Variants in MGAT5 observed in about 807,000 individuals in gnomAD.
MGAT5 encodes the protein alpha-1,6-mannosylglycoprotein 6-beta-N-acetylglucosaminyltransferase A.
A neutral mutation model predicts 94.3 loss-of-function variants in MGAT5; 30 were observed. That is an observed-to-expected ratio of 0.32 (90% CI 0.24 to 0.43). The LOEUF (loss-of-function observed/expected upper bound fraction) is 0.43. MGAT5 is among the 20% of genes least tolerant of loss of function. The pLI is 1.00. For missense variants in MGAT5, 691 were observed against 905.5 expected, an observed-to-expected ratio of 0.76 and a Z score of 3.04; for synonymous variants, 310 against 322.9, an observed-to-expected ratio of 0.96 and a Z score of 0.43.
chr2:134,133,775 G>T (rs1014634691), intron 1 of MGAT5, among the ~76,000 whole-genome samples: 1 of 152,184 alleles, frequency 6.6e-6, no homozygotes, highest in East Asian at 1.9e-4. Context: ...AAAGGGGCAG[G>T]CTTGGCGGTT....
At chr2:134,273,020 TGCGC>T (rs756429675) in intron 2 of MGAT5, among the ~76,000 whole-genome samples, 47 of 149,718 alleles carry the variant, frequency 3.1e-4, no homozygotes, top group African/African-American at 1.1e-3. Context: ...TGTGTGTGTG[TGCGC>T]GCGCGCGTGC....
chr2:134,380,270 T>TA (rs1260427649), intron 10 of MGAT5, among the ~76,000 whole-genome samples: 2 of 152,186 alleles, frequency 1.3e-5, no homozygotes, highest in African/African-American at 4.8e-5. Flanking sequence ...AAGCTAGAAA[T>TA]ACGCACGTGG....
intron 10 of MGAT5, among the ~76,000 whole-genome samples, chr2:134,385,210 C>A (rs1467684702): frequency 6.6e-6 from 1 of 152,176 alleles, no homozygotes; most frequent in Non-Finnish European, 1.5e-5. Context: ...ACTTATCCTT[C>A]GTCTATGAGA....
chr2:134,281,298 C>T (rs538949766), intron 2 of MGAT5, among the ~76,000 whole-genome samples: 4 of 152,284 alleles, frequency 2.6e-5, no homozygotes, highest in African/African-American at 9.6e-5. Flanking sequence ...GTGGCAAACA[C>T]TGATGTATCT....
At chr2:134,370,625 G>A (rs1680727008) in intron 10 of MGAT5, among the ~76,000 whole-genome samples, 1 of 152,248 alleles carries the variant, frequency 6.6e-6, no homozygotes, top group African/African-American at 2.4e-5. Context: ...GAGATGGTGA[G>A]CCCCCAGGGG....
chr2:134,355,470 A>G (rs946474881), intron 9 of MGAT5, among the ~76,000 whole-genome samples: 2 of 152,208 alleles, frequency 1.3e-5, no homozygotes, highest in African/African-American at 4.8e-5. Flanking sequence ...TTGAGACTTA[A>G]CTGATGCTTT....
intron 1 of MGAT5, among the ~76,000 whole-genome samples, chr2:134,192,760 C>T (rs536897897): frequency 2.6e-5 from 4 of 151,796 alleles, no homozygotes. Flanking sequence ...GTAAAACATG[C>T]AATTACTACT....
intron 2 of MGAT5, among the ~76,000 whole-genome samples, chr2:134,280,650 T>C (rs1401762125): frequency 6.6e-6 from 1 of 152,220 alleles, no homozygotes; most frequent in Non-Finnish European, 1.5e-5. Context: ...TGTGCTAATG[T>C]TTTCCCCCTT....
chr2:134,217,139 A>G (rs1680534787), intron 1 of MGAT5, among the ~76,000 whole-genome samples: 1 of 151,674 alleles, frequency 6.6e-6, no homozygotes, highest in South Asian at 2.1e-4. Flanking sequence ...GTTAAATGAA[A>G]TGTGGTTTTT....
At chr2:134,249,257 T>C (rs1232710467), upstream of MGAT5, among the ~76,000 whole-genome samples, 1 of 151,352 alleles carries the variant, frequency 6.6e-6, no homozygotes, top group African/African-American at 2.4e-5. Context: ...TGAGATATGA[T>C]ACACATATCA....
At chr2:134,330,581 G>GTGTGTA (rs56795876) in intron 4 of MGAT5, among the ~76,000 whole-genome samples, 8 of 137,078 alleles carry the variant, frequency 5.8e-5, no homozygotes, top group Non-Finnish European at 8.3e-5. Flanking sequence ...GTGTGTGTGT[G>GTGTGTA]TGTTACGAAG....
chr2:134,242,793 C>G (rs1426453535), intron 1 of MGAT5, among the ~76,000 whole-genome samples: 1 of 152,164 alleles, frequency 6.6e-6, no homozygotes, highest in Non-Finnish European at 1.5e-5. Flanking sequence ...CAAATCATTT[C>G]TCATCTTTGG....
chr2:134,205,113 T>C (rs758744721), intron 1 of MGAT5, among the ~76,000 whole-genome samples: 1 of 152,086 alleles, frequency 6.6e-6, no homozygotes, highest in African/African-American at 2.4e-5. Flanking sequence ...GCATGGCATG[T>C]GAGTAAGAAA....
intron 10 of MGAT5, among the ~76,000 whole-genome samples, chr2:134,387,793 T>C (rs1682125689): frequency 1.3e-5 from 2 of 152,096 alleles, no homozygotes; most frequent in Admixed American, 6.5e-5. Context: ...AGCTGCCCAT[T>C]TATAGCCACA....
intron 14 of MGAT5, 57 bp from the exon 15 acceptor site, chr2:134,441,701 T>G: frequency 1.3e-6 from 2 of 1,566,020 alleles, no homozygotes; most frequent in Non-Finnish European, 1.7e-6. Context: ...TTGGCAGGGC[T>G]GGGGATCCCC....
chr2:134,216,599 T>TA (rs1476596182), intron 1 of MGAT5, among the ~76,000 whole-genome samples: 6 of 152,220 alleles, frequency 3.9e-5, no homozygotes, highest in Non-Finnish European at 8.8e-5. Context: ...GGAAGCATAC[T>TA]AAAGAAACCC....
At chr2:134,138,053 G>A (rs188021421) in intron 1 of MGAT5, among the ~76,000 whole-genome samples, 8 of 151,182 alleles carry the variant, frequency 5.3e-5, no homozygotes, top group Admixed American at 3.3e-4. Flanking sequence ...GGGCAGTGGC[G>A]CTGGTCACTG....
chr2:134,190,099 G>T (rs895405878), intron 1 of MGAT5, among the ~76,000 whole-genome samples: 1 of 152,126 alleles, frequency 6.6e-6, no homozygotes, highest in Admixed American at 6.5e-5. Flanking sequence ...TATCTTTCTG[G>T]CTTTCAGATA....
At chr2:134,271,606 T>C (rs1030967822) in intron 2 of MGAT5, among the ~76,000 whole-genome samples, 3 of 152,258 alleles carry the variant, frequency 2.0e-5, no homozygotes, top group African/African-American at 7.2e-5. Flanking sequence ...AAACATTTAA[T>C]TGTTTTACAT....
Sources: gnomAD v4.1 joint callset for allele counts (sites outside exome capture counted in the v4.1 genomes callset) on GRCh38, gnomAD v4.1.1 for gene constraint, MANE v1.5 for transcripts, NCBI Gene and HGNC (gene_info 2026-07-23, HGNC 2026-07-21) for gene names.